Variants in ANP32E observed in about 807,000 individuals in gnomAD.
The protein encoded by ANP32E is acidic leucine-rich nuclear phosphoprotein 32 family member E.
A neutral mutation model predicts 35.3 loss-of-function variants in ANP32E; 14 were observed. That is an observed-to-expected ratio of 0.40 (90% CI 0.26 to 0.62). ANP32E has a LOEUF of 0.62. Ranked by LOEUF, ANP32E falls within the 20% of genes least tolerant of loss-of-function variation. The pLI, the probability that ANP32E is intolerant of heterozygous loss-of-function variation, is 0.45. For synonymous variants in ANP32E, 89 were observed against 110.4 expected, an observed-to-expected ratio of 0.81 and a Z score of 1.22; for missense variants, 198 against 304.4, an observed-to-expected ratio of 0.65 and a Z score of 2.60.
Position 150,236,078 on chromosome 1 carries a change from G to T in ANP32E, c.-292C>A. ...CACACACACATACACACACACACCC[G>T]CAGTTCCTTCCCCTTCAATGGCTGC... On this transcript the variant is annotated 5_prime_UTR_variant, in exon 1 of 7. Coordinates refer to ENST00000583931, the MANE Select transcript of ANP32E (RefSeq NM_030920.5). 3.0e-6 allele frequency: 1 copy of T among 333,990 alleles called. No individual in the cohort carries two copies. The highest frequency in any genetic ancestry group is 5.6e-6 in the Non-Finnish European group (1 of 179,884). The allele number at this position is 333,990 out of a possible 1,614,324, so 20.7% of individuals were successfully genotyped here.
chr1:150,229,590 T>C, intron 3 of ANP32E, among the ~76,000 whole-genome samples: 1 of 152,212 alleles, frequency 6.6e-6, no homozygotes, highest in East Asian at 1.9e-4. Context: ...GCGATTCTCC[T>C]GCCTCAGCCT....
In ANP32E at chr1:150,220,347, A is replaced by T. The variant is rs1189998276; in HGVS notation, c.*344T>A. On this transcript the variant is annotated 3_prime_UTR_variant, in exon 7 of 7. Coordinates refer to ENST00000583931, the MANE Select transcript of ANP32E (RefSeq NM_030920.5). ...CTGTAATTTCAGTTAATTTATAAATAAGGAATGAAATGCACCATACTACAC... is the reference window on the plus strand; with the variant it reads ...CTGTAATTTCAGTTAATTTATAAATTAGGAATGAAATGCACCATACTACAC... 1 of 161,852 alleles carries T rather than the reference A, an allele frequency of 6.2e-6. No homozygotes were observed. Among genetic ancestry groups the T allele is most frequent in the Non-Finnish European group, 1.3e-5 (1 of 74,482 alleles). The allele number at this position is 161,852 out of a possible 1,614,324, so 10.0% of individuals were successfully genotyped here.
intron 6 of ANP32E, among the ~76,000 whole-genome samples, chr1:150,222,395 G>T (rs1258900214): frequency 7.4e-5 from 11 of 148,762 alleles, no homozygotes; most frequent in East Asian, 3.9e-4. Flanking sequence ...CTCCAGCCTG[G>T]GCAACAGAGC....
intron 3 of ANP32E, 61 bp from the exon 4 acceptor site, chr1:150,229,298 C>CA: frequency 4.7e-6 from 2 of 429,548 alleles, no homozygotes; most frequent in Non-Finnish European, 7.3e-6. Flanking sequence ...TTTCTTTTTT[C>CA]TTTTTTTTTT....
intron 4 of ANP32E, 146 bp downstream of exon 4, chr1:150,228,926 C>T: frequency 1.6e-6 from 1 of 644,622 alleles, no homozygotes; most frequent in Non-Finnish European, 2.6e-6. Context: ...CTGGCTAGAG[C>T]TATGGGTTTT....
chr1:150,234,527 C>A (rs922267585), intron 1 of ANP32E: 2 of 934,156 alleles, frequency 2.1e-6, no homozygotes, highest in African/African-American at 3.6e-5. Flanking sequence ...GACACCACCC[C>A]AGTTATATCC....
At position 150,236,086 on chromosome 1, in the gene ANP32E, T is replaced by C. The variant is rs1649762556; in HGVS notation, c.-300A>G. ...CATACACACACACACCCGCAGTTCC[T>C]TCCCCTTCAATGGCTGCTCAGAGAC... On this transcript the variant is annotated 5_prime_UTR_variant, in exon 1 of 7. Transcript: ENST00000583931. 3.3e-6 allele frequency: 1 copy of C among 307,442 alleles called. No homozygotes were observed. Among genetic ancestry groups the C allele is most frequent in the South Asian group, 4.3e-5 (1 of 23,392 alleles). The allele number at this position is 307,442 out of a possible 1,614,324, so 19.0% of individuals were successfully genotyped here.
At chr1:150,230,516 T>C in intron 3 of ANP32E, 55 bp downstream of exon 3, 1 of 1,493,408 alleles carries the variant, frequency 6.7e-7, no homozygotes, top group East Asian at 2.3e-5. Flanking sequence ...CACAAACAAA[T>C]CTCAGAAAAT....
At chr1:150,223,310 T>C (rs1197218281) in intron 5 of ANP32E, 70 bp from the exon 6 acceptor site, 1 of 1,489,694 alleles carries the variant, frequency 6.7e-7, no homozygotes, top group Non-Finnish European at 9.1e-7. Flanking sequence ...TTGTAATATA[T>C]TCCAACAAGA....
In ANP32E at chr1:150,232,729, T is replaced by A. The variant is rs143541677; in HGVS notation, c.55-803A>T. On this transcript the variant is annotated intron_variant, in intron 1 of 6. Coordinates refer to ENST00000583931, the MANE Select transcript of ANP32E (RefSeq NM_030920.5). ...CTCAGGTGATTCGCCCCCCTCAGCC[T>A]CCCAAAGTGCTGGGATTACAGGGAT... Among the ~76,000 whole-genome samples the A allele has an allele frequency of 7.4e-3, 1,126 of 152,120 alleles. 18 individuals carry two copies. The highest frequency in any genetic ancestry group is 0.026 in the African/African-American group (1,081 of 41,510).
chr1:150,235,886 A>C lies in ANP32E; in HGVS notation c.-100T>G. ...TTTAAGAGATTTAGAAATGAATGAA[A>C]AGGAACGCAAATATAAACGCCCACT... is the stretch of plus-strand genomic sequence containing the variant. On this transcript the variant is annotated 5_prime_UTR_variant, in exon 1 of 7. Coordinates refer to ENST00000583931, the MANE Select transcript of ANP32E (RefSeq NM_030920.5). The surrounding 1 kb of genome is among the most constrained non-coding windows in gnomAD (Gnocchi z 4.2). 2.5e-6 allele frequency: 2 copies of C among 811,288 alleles called. No individual in the cohort carries two copies. Among genetic ancestry groups the C allele is most frequent in the Non-Finnish European group, 4.1e-6 (2 of 491,318 alleles). 50.3% of individuals were successfully genotyped at this position (811,288 alleles called of 1,614,324 possible). A position where few individuals can be genotyped will look rare whatever the true frequency, so the allele number is the denominator to read the frequency against.
At chr1:150,226,585 G>T in intron 5 of ANP32E, 23 bp downstream of exon 5, 1 of 1,605,944 alleles carries the variant, frequency 6.2e-7, no homozygotes, top group Non-Finnish European at 8.5e-7. Flanking sequence ...AATTTTCAGT[G>T]CAGGTAAGAA....
rs1208403631 is a variant in ANP32E at position 150,226,926 on chromosome 1, C to CTTT, written c.494-134_494-132dup. ...AGGTGGAAAGTAACTCACAGCGATA[C>CTTT]TTTTTTTTTTTTAAGATTTCTGTTT... On this transcript the variant is annotated intron_variant, in intron 4 of 6. Transcript: ENST00000583931. 4.8e-4 allele frequency: 469 copies of CTTT among 967,304 alleles called. 1 individual carries two copies. In the African/African-American group the frequency reaches 7.2e-3, roughly 15 times the overall value. 59.9% of individuals were successfully genotyped at this position (967,304 alleles called of 1,614,324 possible).
At chr1:150,230,722 G>A in intron 2 of ANP32E, 29 bp from the exon 3 acceptor site, 9 of 1,575,998 alleles carry the variant, frequency 5.7e-6, no homozygotes, top group Admixed American at 1.9e-5. Context: ...AAAAAACAAA[G>A]AATGGTAAAG....
intron 5 of ANP32E, 191 bp from the exon 6 acceptor site, chr1:150,223,431 A>G: frequency 1.6e-6 from 1 of 635,870 alleles, no homozygotes; most frequent in South Asian, 2.3e-5. Flanking sequence ...CTGTAATCCC[A>G]GTACTTTGGG....
chr1:150,229,287 A>ATTTT, intron 3 of ANP32E, 50 bp from the exon 4 acceptor site: 3 of 595,254 alleles, frequency 5.0e-6, no homozygotes, highest in South Asian at 5.9e-5. Context: ...ATACCATGTT[A>ATTTT]TTTCTTTTTT....
intron 3 of ANP32E, 67 bp downstream of exon 3, chr1:150,230,504 G>A (rs1344389440): frequency 6.2e-6 from 9 of 1,451,142 alleles, no homozygotes; most frequent in South Asian, 1.4e-5. Context: ...GAAATTAATA[G>A]ACACAAACAA....
In ANP32E at chr1:150,224,562, A is replaced by G. The variant is rs993560334; in HGVS notation, c.682-1322T>C. 8.4e-4 allele frequency among the ~76,000 whole-genome samples: 99 copies of G among 118,222 alleles called. 1 individual carries two copies. Among genetic ancestry groups the G allele is most frequent in the African/African-American group, 3.1e-3 (94 of 29,992 alleles). The allele number at this position is 118,222 out of a possible 152,430, so 77.6% of individuals were successfully genotyped here. On this transcript the variant is annotated intron_variant, in intron 5 of 6. Coordinates refer to ENST00000583931, the MANE Select transcript of ANP32E (RefSeq NM_030920.5). ...CACTCCAGCCTGGGCGACAAGAACG[A>G]AACTCCGTCTCAAAAAAGAAAAAAA... is the stretch of plus-strand genomic sequence containing the variant.
At chr1:150,232,792 G>A (rs1396810204) in intron 1 of ANP32E, among the ~76,000 whole-genome samples, 1 of 151,776 alleles carries the variant, frequency 6.6e-6, no homozygotes, top group Non-Finnish European at 1.5e-5. Context: ...ATTTAAACTT[G>A]GACTAAAGTT....
Sources: allele counts gnomAD v4.1 joint callset (sites outside exome capture counted in the v4.1 genomes callset), GRCh38; gene constraint gnomAD v4.1.1; non-coding constraint Gnocchi (gnomAD v3.1); transcripts MANE v1.5; gene names NCBI Gene and HGNC (gene_info 2026-07-23, HGNC 2026-07-21).